HHIP: variants seen among roughly 807,000 people sequenced by gnomAD.
HHIP encodes the protein hedgehog-interacting protein.
In HHIP, 12 loss-of-function variants were observed where a neutral mutation model predicts 74.0. The observed-to-expected ratio is 0.16, with a 90% CI of 0.10 to 0.26. The LOEUF (loss-of-function observed/expected upper bound fraction) is 0.26. Among genes scored for constraint, HHIP ranks in the 10% least tolerant of loss-of-function variants. HHIP has a pLI of 1.00. For synonymous variants in HHIP, 309 were observed against 311.6 expected, an observed-to-expected ratio of 0.99 and a Z score of 0.09; for missense variants, 788 against 845.0, an observed-to-expected ratio of 0.93 and a Z score of 0.84.
At position 144,742,981 on chromosome 4, in the gene HHIP, ATACAT is replaced by A. The variant is rs1306703877; in HGVS notation, c.*5027_*5031del. 1,113 of 3,600 alleles carry A rather than the reference ATACAT, an allele frequency of 0.31. 16 individuals are homozygous for A. Among genetic ancestry groups the A allele is most frequent in the Non-Finnish European group, 0.41 (844 of 2,082 alleles). The allele number at this position is 3,600 out of a possible 1,614,324, so 0.2% of individuals were successfully genotyped here. A position where few individuals can be genotyped will look rare whatever the true frequency, so the allele number is the denominator to read the frequency against. Reference sequence around the variant, plus strand: ...ACATATAAGATATATGTATATATATATACATTATATATATATAATATATATATATT... The same window carrying A: ...ACATATAAGATATATGTATATATATATATATATATATAATATATATATATT... On this transcript the variant is annotated 3_prime_UTR_variant, in exon 13 of 13. Transcript: ENST00000296575.
chr4:144,692,809 T>C (rs1284569570), intron 4 of HHIP, among the ~76,000 whole-genome samples: 3 of 151,986 alleles, frequency 2.0e-5, no homozygotes, highest in Non-Finnish European at 4.4e-5. Flanking sequence ...ACTCACCAGG[T>C]AGGAAATGCG....
chr4:144,687,503 T>C (rs1729523427), intron 4 of HHIP, among the ~76,000 whole-genome samples: 1 of 152,164 alleles, frequency 6.6e-6, no homozygotes, highest in South Asian at 2.1e-4. Flanking sequence ...GATATTTTTG[T>C]CTCCTGCAAG....
At chr4:144,726,164 T>C (rs1043667003) in intron 11 of HHIP, among the ~76,000 whole-genome samples, 1 of 152,218 alleles carries the variant, frequency 6.6e-6, no homozygotes, top group Non-Finnish European at 1.5e-5. Flanking sequence ...CATGAAATTC[T>C]GAACAGAATA....
At chr4:144,692,815 AT>A (rs1450003054) in intron 4 of HHIP, among the ~76,000 whole-genome samples, 1 of 152,158 alleles carries the variant, frequency 6.6e-6, no homozygotes, top group Non-Finnish European at 1.5e-5. Flanking sequence ...CAGGTAGGAA[AT>A]GCGTGTATTT....
At chr4:144,684,909 T>G (rs940750960) in intron 4 of HHIP, among the ~76,000 whole-genome samples, 1 of 152,180 alleles carries the variant, frequency 6.6e-6, no homozygotes. Flanking sequence ...CCTAACTTCA[T>G]TATCTTGGCC....
rs370407689 is a variant in HHIP at position 144,659,603 on chromosome 4, A to G, written c.630-34A>G. The G allele has an allele frequency of 1.1e-5, 15 of 1,388,314 alleles. No individual in the cohort carries two copies. The African/African-American group carries it at 1.8e-4, about 16-fold the overall frequency. 86.0% of individuals were successfully genotyped at this position (1,388,314 alleles called of 1,614,324 possible). On this transcript the variant is annotated intron_variant, in intron 3 of 12. Transcript: ENST00000296575. ...TGCATCCCTTATCTCCTTCATCTCA[A>G]GAAAAGCTTACCGGTTTTCTTTAAT...
At chr4:144,673,687 T>C (rs1729103903) in intron 4 of HHIP, among the ~76,000 whole-genome samples, 1 of 152,218 alleles carries the variant, frequency 6.6e-6, no homozygotes, top group Non-Finnish European at 1.5e-5. Context: ...CATAGACCTC[T>C]AATAAGGGGA....
At chr4:144,663,955 A>T (rs1005630533) in intron 4 of HHIP, among the ~76,000 whole-genome samples, 5 of 152,236 alleles carry the variant, frequency 3.3e-5, no homozygotes, top group African/African-American at 1.2e-4. Flanking sequence ...AAGGAAGGAT[A>T]TGCCCGCACC....
In HHIP at chr4:144,742,652, G is replaced by A. The variant is rs1188522457; in HGVS notation, c.*4695G>A. The A allele has an allele frequency of 1.3e-5, 2 of 151,458 alleles. No homozygotes were observed. The highest frequency in any genetic ancestry group is 4.8e-5 in the African/African-American group (2 of 41,268). The allele number at this position is 151,458 out of a possible 1,614,324, so 9.4% of individuals were successfully genotyped here. Reference sequence around the variant, plus strand: ...AGACCAAAGTCCCATGGCAGAAAATGTACATATTTTTAAACTACTCCCAGG... The same window carrying A: ...AGACCAAAGTCCCATGGCAGAAAATATACATATTTTTAAACTACTCCCAGG... On this transcript the variant is annotated 3_prime_UTR_variant, in exon 13 of 13. Coordinates refer to ENST00000296575, the MANE Select transcript of HHIP (RefSeq NM_022475.3).
At chr4:144,697,804 A>G (rs930433261) in intron 4 of HHIP, among the ~76,000 whole-genome samples, 4 of 152,116 alleles carry the variant, frequency 2.6e-5, no homozygotes, top group Non-Finnish European at 5.9e-5. Context: ...GGAAATGTCA[A>G]AAGATCATTC....
At chr4:144,666,108 A>T (rs1367986988) in intron 4 of HHIP, among the ~76,000 whole-genome samples, 1 of 152,196 alleles carries the variant, frequency 6.6e-6, no homozygotes, top group Non-Finnish European at 1.5e-5. Flanking sequence ...TCTACTGATG[A>T]TATAAGTTAT....
chr4:144,648,806 A>C (rs1728342210), intron 1 of HHIP: 1 of 152,298 alleles, frequency 6.6e-6, no homozygotes, highest in East Asian at 1.9e-4. Context: ...ATAGCCCTTA[A>C]GAGAAGTTAT....
At chr4:144,689,398 A>T (rs1729582066) in intron 4 of HHIP, among the ~76,000 whole-genome samples, 1 of 152,210 alleles carries the variant, frequency 6.6e-6, no homozygotes, top group Non-Finnish European at 1.5e-5. Context: ...AAGAAAAACA[A>T]ATTGTCTAGT....
At chr4:144,728,631 A>C (rs1397719879) in intron 11 of HHIP, among the ~76,000 whole-genome samples, 1 of 152,218 alleles carries the variant, frequency 6.6e-6, no homozygotes, top group Non-Finnish European at 1.5e-5. Context: ...AATGTCAAGG[A>C]AGGTATTCCT....
At chr4:144,647,255 A>C in intron 1 of HHIP, 1 of 329,714 alleles carries the variant, frequency 3.0e-6, no homozygotes, top group Non-Finnish European at 5.5e-6. Flanking sequence ...ATCGCGATGA[A>C]CAGTGTGTTT....
At chr4:144,736,811 A>G (rs181108236) in intron 12 of HHIP, among the ~76,000 whole-genome samples, 1 of 152,120 alleles carries the variant, frequency 6.6e-6, no homozygotes, top group Non-Finnish European at 1.5e-5. Flanking sequence ...ATGTACTCAC[A>G]TTGTTTACTC....
At chr4:144,665,098 AGTCTTGCTCTGTT>A (rs1473076210) in intron 4 of HHIP, among the ~76,000 whole-genome samples, 1 of 152,204 alleles carries the variant, frequency 6.6e-6, no homozygotes, top group Non-Finnish European at 1.5e-5. Flanking sequence ...TTTGAGACAG[AGTCTTGCTCTGTT>A]GCCCAGGCTG....
At chr4:144,659,929 AAAAG>A (rs1728666095) in intron 4 of HHIP, 91 bp downstream of exon 4, 1 of 947,478 alleles carries the variant, frequency 1.1e-6, no homozygotes, top group Non-Finnish European at 1.6e-6. Context: ...TCTTTGTAAT[AAAAG>A]AAAGAATCTT....
Position 144,659,716 on chromosome 4 carries a change from G to T in HHIP, c.709G>T (p.Asp237Tyr). Reference protein sequence around the residue: ...RQPVGALHSGDGSQRLFILEK... With the variant: ...RQPVGALHSGYGSQRLFILEK... ...GCCCGTTGGTGCCCTGCATAGTGGGGATGGCTCGCAACGTCTCTTCATTCT... is the reference window on the plus strand; with the variant it reads ...GCCCGTTGGTGCCCTGCATAGTGGGTATGGCTCGCAACGTCTCTTCATTCT... Residue 237 changes from aspartate (D) to tyrosine (Y), a missense_variant, in exon 4 of 13, where the codon GAT (aspartate) becomes TAT (tyrosine). Transcript: ENST00000296575. 1 of 1,609,654 alleles carries T rather than the reference G, an allele frequency of 6.2e-7. No individual in the cohort carries two copies. Among genetic ancestry groups the T allele is most frequent in the Non-Finnish European group, 8.5e-7 (1 of 1,178,486 alleles).
Sources: gnomAD v4.1 joint callset for allele counts (sites outside exome capture counted in the v4.1 genomes callset) on GRCh38, gnomAD v4.1.1 for gene constraint, MANE v1.5 for transcripts, NCBI Gene and HGNC (gene_info 2026-07-23, HGNC 2026-07-21) for gene names.